The following MSH6 variants were observed in gnomAD, a reference collection of about 807,000 sequenced individuals.
MSH6 encodes mutS homolog 6.
In MSH6, 85 loss-of-function variants were observed where a neutral mutation model predicts 119.1. That is an observed-to-expected ratio of 0.71 (90% confidence interval 0.60 to 0.85). MSH6 has a LOEUF of 0.85. MSH6 is among the 40% of genes least tolerant of loss of function. MSH6 has a pLI of 0.00. For synonymous variants in MSH6, 830 were observed against 586.9 expected (o/e 1.41, Z -5.99); for missense variants, 2,163 against 1,655.3 (o/e 1.31, Z -5.32).
rs730881791 is a variant in MSH6, at chr2:47,799,644, G to A, written c.1661G>A (p.Arg554His). The A allele has an allele frequency of 1.9e-5, 31 of 1,613,992 alleles. No homozygotes were observed. Among genetic ancestry groups the A allele is most frequent in the South Asian group, 1.4e-4 (13 of 91,080 alleles). Residue 554 changes from arginine (R) to histidine (H), a missense_variant, in exon 4 of 10, where the codon CGT becomes CAT. Transcript: ENST00000234420. ...GAGGAAGATTCTTCTGGCCATACTC[G>A]TGCATATGGTGTGTGCTTTGTTGAT... Reference protein sequence around the residue: ...EKEEDSSGHTRAYGVCFVDTS... With the variant: ...EKEEDSSGHTHAYGVCFVDTS...
At chr2:47,786,628 C>T (rs1218831124) in intron 1 of MSH6, among the ~76,000 whole-genome samples, 16 of 152,180 alleles carry the variant, frequency 1.1e-4, no homozygotes, top group Admixed American at 1.0e-3. Flanking sequence ...ACCACCGCAC[C>T]TGGCCGTGAG....
At chr2:47,809,404 G>A (rs1670457381), downstream of MSH6, 1 of 687,300 alleles carries the variant, frequency 1.5e-6, no homozygotes. Flanking sequence ...GTAATTGTAA[G>A]AAATCAGCTA....
At chr2:47,802,107 A>G (rs183383011) in intron 4 of MSH6, among the ~76,000 whole-genome samples, 1 of 152,272 alleles carries the variant, frequency 6.6e-6, no homozygotes, top group Non-Finnish European at 1.5e-5. Flanking sequence ...TTTTATTACA[A>G]CCTTTGCATT....
At chr2:47,802,208 C>G (rs1455853701) in intron 4 of MSH6, among the ~76,000 whole-genome samples, 1 of 152,158 alleles carries the variant, frequency 6.6e-6, no homozygotes, top group African/African-American at 2.4e-5. Context: ...ATTGATTTTT[C>G]AAAGCCCTGA....
Position 47,801,163 on chromosome 2 carries a change from T to G in MSH6, c.3172+8T>G, listed in dbSNP as rs984296149. The G allele has an allele frequency of 1.9e-6, 3 of 1,608,074 alleles. No homozygotes were observed. The highest frequency in any genetic ancestry group is 4.5e-5 in the East Asian group (2 of 44,880). On this transcript the variant is annotated splice_region_variant and intron_variant, in intron 4 of 9. Transcript: ENST00000234420. ...AGTGTATCGCAGTGTTGGGTAAGAC[T>G]TTGAACAAGCTTGTTCTCAGGCTTT...
rs1669884662 is a variant in MSH6 at position 47,805,040 on chromosome 2, T to C, written c.3556+13T>C. ...AGAATAATGTCAGGTGAGTTTTTTG[T>C]TTCCCACTTAAGTTCTCATTCAGTC... On this transcript the variant is annotated intron_variant, in intron 6 of 9. Coordinates refer to ENST00000234420, the MANE Select transcript of MSH6 (RefSeq NM_000179.3). The C allele has an allele frequency of 6.4e-7, 1 of 1,561,442 alleles. No individual in the cohort carries two copies.
chr2:47,799,805 A>C lies in MSH6; in HGVS notation c.1822A>C (p.Ile608Leu), dbSNP rs201613780. The change falls in exon 4 of 10, where the codon ATT becomes CTT. Residue 608 changes from isoleucine to leucine, a missense_variant. Physicochemically the swap from Ile to Leu is conservative, Grantham distance 5. Coordinates refer to ENST00000234420, the MANE Select transcript of MSH6 (RefSeq NM_000179.3). ...AAATCTCTCAAAGGAAACTAAAACA[A>C]TTCTAAAGAGTTCATTGTCCTGTTC... ...KGNLSKETKT[I>L]LKSSLSCSLQ... 1 of 1,614,244 alleles carries C rather than the reference A, an allele frequency of 6.2e-7. No homozygotes were observed. The highest frequency in any genetic ancestry group is 2.2e-5 in the East Asian group (1 of 44,886).
At chr2:47,794,032 A>G (rs1354155958) in intron 2 of MSH6, among the ~76,000 whole-genome samples, 1 of 134,508 alleles carries the variant, frequency 7.4e-6, no homozygotes, top group African/African-American at 2.8e-5. Flanking sequence ...GCTGGCCCAG[A>G]ATGATTTTTA....
chr2:47,783,630 T>TC lies in MSH6; in HGVS notation c.260+137_260+138insC, dbSNP rs1668152950. ...CTCGGAGGAGGCGGGGCCGCAGAGT[T>TC]GGCTTGAATGAGTGCAGGGGTCGAG... On this transcript the variant is annotated intron_variant, in intron 1 of 9. Transcript: ENST00000234420. The TC allele has an allele frequency of 3.4e-6, 3 of 877,876 alleles. No individual in the cohort carries two copies. The East Asian group carries it at 9.6e-5, about 28-fold the overall frequency. The allele number at this position is 877,876 out of a possible 1,614,324, so 54.4% of individuals were successfully genotyped here.
At chr2:47,788,246 C>CTTTTTTTTTTTTTTTTTT (rs560110301) in intron 1 of MSH6, among the ~76,000 whole-genome samples, 4 of 90,052 alleles carry the variant, frequency 4.4e-5, no homozygotes, top group African/African-American at 1.4e-4. Flanking sequence ...TTCTTTCTTT[C>CTTTTTTTTTTTTTTTTTT]TTTTTTTTTT....
chr2:47,807,096 T>C (rs866317256), downstream of MSH6: 1 of 514,470 alleles, frequency 1.9e-6, no homozygotes, highest in Non-Finnish European at 3.4e-6. Context: ...TTATACCCAC[T>C]GTCACCAATA....
In MSH6 at chr2:47,783,311, G is replaced by A. The variant is rs1395190094; in HGVS notation, c.78G>A (p.Arg26=). ...GTGATGCCAACAAGGCCTCGGCCAGGGCCTCACGCGAAGGCGGCCGTGCCG... is the reference window on the plus strand; with the variant it reads ...GTGATGCCAACAAGGCCTCGGCCAGAGCCTCACGCGAAGGCGGCCGTGCCG... The part of the protein sequence containing the change: ...ALSDANKASA[R]ASREGGRAAA... Residue 26 remains arginine (R), a synonymous_variant, in exon 1 of 10, where the codon AGG becomes AGA. Coordinates refer to ENST00000234420, the MANE Select transcript of MSH6 (RefSeq NM_000179.3). The A allele has an allele frequency of 6.2e-7, 1 of 1,611,852 alleles. No homozygotes were observed. The highest frequency in any genetic ancestry group is 1.1e-5 in the South Asian group (1 of 90,970).
At chr2:47,809,041 A>T (rs1334625992), downstream of MSH6, 1 of 612,626 alleles carries the variant, frequency 1.6e-6, no homozygotes, top group Non-Finnish European at 2.9e-6. Context: ...TTGATGATAA[A>T]ATTTTCAGTT....
At chr2:47,790,814 T>G (rs1410609670) in intron 1 of MSH6, 113 bp from the exon 2 acceptor site, 8 of 932,428 alleles carry the variant, frequency 8.6e-6, no homozygotes, top group Non-Finnish European at 1.2e-5. Flanking sequence ...TTCTAGAATT[T>G]CTGTGCTTCA....
chr2:47,798,859 C>A lies in MSH6; in HGVS notation c.876C>A (p.Ser292Arg), dbSNP rs1468651245. 1.2e-6 allele frequency: 2 copies of A among 1,614,108 alleles called. No individual in the cohort carries two copies. The highest frequency in any genetic ancestry group is 1.7e-6 in the Non-Finnish European group (2 of 1,180,022). ...VGDSESEGLN[S>R]PVKVARKRKR... is the part of the protein sequence containing the mutation. The stretch of plus-strand genomic sequence containing the variant: ...ATAGTGAGAGTGAAGGCCTGAACAG[C>A]CCTGTCAAAGTTGCTCGAAAGCGGA... Residue 292 changes from serine to arginine, a missense_variant, in exon 4 of 10, where the codon AGC becomes AGA. Coordinates refer to ENST00000234420, the MANE Select transcript of MSH6 (RefSeq NM_000179.3).
At chr2:47,807,748 A>G, downstream of MSH6, 1 of 246,046 alleles carries the variant, frequency 4.1e-6, no homozygotes, top group South Asian at 1.4e-4. Flanking sequence ...ACCCATGTCC[A>G]TAAAGGCAGC....
In MSH6 at chr2:47,784,168, G is replaced by A. The variant is rs558521599; in HGVS notation, c.260+675G>A. The A allele has an allele frequency of 8.0e-6, 8 of 1,004,196 alleles. No homozygotes were observed. The African/African-American group carries it at 1.4e-4, about 17-fold the overall frequency. The allele number at this position is 1,004,196 out of a possible 1,614,324, so 62.2% of individuals were successfully genotyped here. ...GCGCGGGGGGGTGTGTCACCATGGG[G>A]ACCGCGGGGCCTAATTGGGCGGGGC... is the stretch of plus-strand genomic sequence containing the variant. On this transcript the variant is annotated intron_variant, in intron 1 of 9. Coordinates refer to ENST00000234420, the MANE Select transcript of MSH6 (RefSeq NM_000179.3).
intron 3 of MSH6, among the ~76,000 whole-genome samples, chr2:47,797,084 T>G (rs1260468760): frequency 2.0e-5 from 3 of 152,212 alleles, no homozygotes; most frequent in African/African-American, 7.2e-5. Flanking sequence ...CACAAATTTG[T>G]AAACTTTCTT....
chr2:47,803,796 A>T, intron 5 of MSH6, 111 bp downstream of exon 5: 1 of 1,244,546 alleles, frequency 8.0e-7, no homozygotes, highest in Non-Finnish European at 1.2e-6. Flanking sequence ...CCAGTGACTT[A>T]ATAGGAAGCA....
Sources: allele counts gnomAD v4.1 joint callset (sites outside exome capture counted in the v4.1 genomes callset), GRCh38; gene constraint gnomAD v4.1.1; transcripts MANE v1.5; gene names NCBI Gene and HGNC (gene_info 2026-07-23, HGNC 2026-07-21).